MYRIP: variants seen among roughly 807,000 people sequenced by gnomAD.
MYRIP encodes the protein myosin VIIA and Rab interacting protein.
In MYRIP, 49 loss-of-function variants were observed where a neutral mutation model predicts 98.0. That is an observed-to-expected ratio of 0.50 (90% confidence interval 0.40 to 0.63). The LOEUF (loss-of-function observed/expected upper bound fraction) is 0.63. Among genes scored for constraint, MYRIP ranks in the 30% least tolerant of loss-of-function variants. MYRIP has a pLI of 0.00. For missense variants in MYRIP, 1,004 were observed against 1,058.2 expected (o/e 0.95, Z 0.71); for synonymous variants, 404 against 409.5 (o/e 0.99, Z 0.16).
At chr3:39,957,375 T>C (rs1202471180) in intron 2 of MYRIP, among the ~76,000 whole-genome samples, 5 of 149,164 alleles carry the variant, frequency 3.4e-5, no homozygotes, top group African/African-American at 7.8e-5. Context: ...TGGCTCAACA[T>C]ATGCAAATCA....
chr3:40,179,025 G>T (rs894692308), intron 8 of MYRIP, among the ~76,000 whole-genome samples: 5 of 152,224 alleles, frequency 3.3e-5, no homozygotes, highest in African/African-American at 1.2e-4. Context: ...AGCAGAGTCT[G>T]TGCGTAGGAA....
chr3:40,161,313 G>T (rs1042498207), intron 4 of MYRIP, among the ~76,000 whole-genome samples: 1 of 152,188 alleles, frequency 6.6e-6, no homozygotes, highest in South Asian at 2.1e-4. Flanking sequence ...TGTACTAGAA[G>T]ATTTAAAGTC....
intron 2 of MYRIP, among the ~76,000 whole-genome samples, chr3:39,980,572 GA>G (rs1232997128): frequency 6.6e-6 from 1 of 152,214 alleles, no homozygotes; most frequent in Non-Finnish European, 1.5e-5. Flanking sequence ...CCAAATGCCT[GA>G]AAATGTCTGC....
chr3:39,910,368 G>A (rs949327408), intron 2 of MYRIP, among the ~76,000 whole-genome samples: 3 of 152,194 alleles, frequency 2.0e-5, no homozygotes, highest in African/African-American at 7.2e-5. Context: ...TTCAGGTGCC[G>A]TGGGATAGAA....
chr3:40,248,137 T>A (rs1953261954), intron 13 of MYRIP: 1 of 152,268 alleles, frequency 6.6e-6, no homozygotes, highest in Non-Finnish European at 1.5e-5. Context: ...TGCTAAATTG[T>A]GTTCTTGGTA....
chr3:39,914,910 A>G (rs1947628), intron 2 of MYRIP, among the ~76,000 whole-genome samples: 66,930 of 151,762 alleles, frequency 0.44, 14,994 homozygotes, highest in East Asian at 0.54. Context: ...TCCCAAAGAC[A>G]TTTTCCCCTT....
intron 9 of MYRIP, among the ~76,000 whole-genome samples, chr3:40,188,930 AAAC>A (rs1951118262): frequency 6.6e-6 from 1 of 152,212 alleles, no homozygotes; most frequent in African/African-American, 2.4e-5. Flanking sequence ...AAACAAGACA[AAAC>A]AACTTTTACC....
At position 40,247,955 on chromosome 3, in the gene MYRIP, T is replaced by G. The variant is rs79761090; in HGVS notation, c.2263-2267T>G. Among the ~76,000 whole-genome samples, 1,519 of 152,334 alleles carry G rather than the reference T, an allele frequency of 1.0e-2. 29 individuals are homozygous for G. Among genetic ancestry groups the G allele is most frequent in the African/African-American group, 0.035 (1,461 of 41,572 alleles). ...GAGGTTGTTGACCCTGCCTTCAGCTTTGTGGATTATCTCAACTGCACCGCC... is the reference window on the plus strand; with the variant it reads ...GAGGTTGTTGACCCTGCCTTCAGCTGTGTGGATTATCTCAACTGCACCGCC... On this transcript the variant is annotated intron_variant, in intron 13 of 16. Transcript: ENST00000302541.
At chr3:40,004,742 A>G (rs1946595348) in intron 2 of MYRIP, among the ~76,000 whole-genome samples, 1 of 152,070 alleles carries the variant, frequency 6.6e-6, no homozygotes, top group Admixed American at 6.6e-5. Context: ...ATGGTTTTTC[A>G]TTCCTGAGTT....
At chr3:39,901,393 G>A (rs1266031070) in intron 2 of MYRIP, among the ~76,000 whole-genome samples, 1 of 152,130 alleles carries the variant, frequency 6.6e-6, no homozygotes, top group Non-Finnish European at 1.5e-5. Context: ...GGCTGGGATG[G>A]GATCACCTGG....
chr3:40,101,755 T>C (rs1157179967), intron 3 of MYRIP, among the ~76,000 whole-genome samples: 1 of 152,246 alleles, frequency 6.6e-6, no homozygotes, highest in East Asian at 1.9e-4. Context: ...AATATATTCT[T>C]ATTAATCATT....
intron 16 of MYRIP, among the ~76,000 whole-genome samples, chr3:40,254,050 G>C (rs1238972642): frequency 6.6e-6 from 1 of 152,118 alleles, no homozygotes; most frequent in Non-Finnish European, 1.5e-5. Flanking sequence ...ATGTAGCAAA[G>C]GAAGAGACAG....
At chr3:40,152,334 G>A (rs1355076511) in intron 4 of MYRIP, among the ~76,000 whole-genome samples, 2 of 152,012 alleles carry the variant, frequency 1.3e-5, no homozygotes, top group Admixed American at 6.6e-5. Context: ...GTACATCCTC[G>A]GGTATGCTGA....
At chr3:39,877,033 G>T (rs1258998066) in intron 1 of MYRIP, among the ~76,000 whole-genome samples, 1 of 152,134 alleles carries the variant, frequency 6.6e-6, no homozygotes, top group Admixed American at 6.5e-5. Context: ...TGGAGGCTTT[G>T]CTTGTTTCTT....
intron 3 of MYRIP, among the ~76,000 whole-genome samples, chr3:40,128,812 G>A (rs879827895): frequency 6.6e-6 from 1 of 152,176 alleles, no homozygotes; most frequent in Non-Finnish European, 1.5e-5. Context: ...ATTGGTCATG[G>A]ATTTTAATTG....
At chr3:40,015,385 A>T (rs1946840642) in intron 2 of MYRIP, among the ~76,000 whole-genome samples, 1 of 152,224 alleles carries the variant, frequency 6.6e-6, no homozygotes, top group African/African-American at 2.4e-5. Flanking sequence ...CTGCAAAGAC[A>T]AGTGAGAGAA....
At chr3:40,205,633 T>C (rs1341820458) in intron 10 of MYRIP, among the ~76,000 whole-genome samples, 2 of 152,134 alleles carry the variant, frequency 1.3e-5, no homozygotes, top group African/African-American at 4.8e-5. Context: ...AGGAATTTCA[T>C]TCTTTCCCAC....
At chr3:40,227,425 T>C (rs1415450427) in intron 11 of MYRIP, among the ~76,000 whole-genome samples, 4 of 152,148 alleles carry the variant, frequency 2.6e-5, no homozygotes, top group African/African-American at 7.2e-5. Flanking sequence ...TGTGTGTGTG[T>C]GCCAGTGTAG....
At chr3:40,183,182 G>A (rs1175895901) in intron 9 of MYRIP, among the ~76,000 whole-genome samples, 3 of 152,200 alleles carry the variant, frequency 2.0e-5, no homozygotes, top group Non-Finnish European at 4.4e-5. Flanking sequence ...AACTGGTCAC[G>A]TGGCCCCACC....
Sources: gnomAD v4.1 joint callset for allele counts (sites outside exome capture counted in the v4.1 genomes callset) on GRCh38, gnomAD v4.1.1 for gene constraint, MANE v1.5 for transcripts, NCBI Gene and HGNC (gene_info 2026-07-23, HGNC 2026-07-21) for gene names.